AGBL1: variants seen among roughly 807,000 people sequenced by gnomAD.
The protein encoded by AGBL1 is cytosolic carboxypeptidase 4.
Under a neutral mutation model 118.9 loss-of-function variants are expected in AGBL1, and 130 were observed. That is an observed-to-expected ratio of 1.09 (90% CI 0.95 to 1.26). The LOEUF (loss-of-function observed/expected upper bound fraction) is 1.26, where lower values mean the gene tolerates loss of function less well. Among genes scored for constraint, AGBL1 ranks in the 50% most tolerant of loss-of-function variants. AGBL1 has a pLI of 0.00. For synonymous variants in AGBL1, 555 were observed against 478.9 expected, an observed-to-expected ratio of 1.16 and a Z score of -2.08; for missense variants, 1,584 against 1,298.1, an observed-to-expected ratio of 1.22 and a Z score of -3.38.
intron 21 of AGBL1, among the ~76,000 whole-genome samples, chr15:86,592,125 A>T (rs1212324364): frequency 6.6e-6 from 1 of 152,198 alleles, no homozygotes. Flanking sequence ...TCACTTGGTT[A>T]AAGTGTTGTC....
At chr15:86,267,630 G>A (rs2079095635) in intron 13 of AGBL1, among the ~76,000 whole-genome samples, 1 of 152,170 alleles carries the variant, frequency 6.6e-6, no homozygotes, top group East Asian at 1.9e-4. Flanking sequence ...GCTCTCAGTA[G>A]AAAAGGATAT....
intron 18 of AGBL1, among the ~76,000 whole-genome samples, chr15:86,444,078 A>G (rs2082094629): frequency 1.3e-5 from 2 of 152,226 alleles, no homozygotes; most frequent in Admixed American, 6.5e-5. Flanking sequence ...CCAACAGTGT[A>G]CCAGCATTCC....
chr15:86,450,404 C>T (rs6496338), intron 18 of AGBL1, among the ~76,000 whole-genome samples: 82,034 of 152,064 alleles, frequency 0.54, 23,001 homozygotes, highest in East Asian at 0.82. Context: ...GTACAGTCAG[C>T]GGTAAAATCA....
intron 22 of AGBL1, among the ~76,000 whole-genome samples, chr15:86,832,609 G>T (rs1209203477): frequency 6.6e-6 from 1 of 152,182 alleles, no homozygotes; most frequent in Non-Finnish European, 1.5e-5. Flanking sequence ...TTTTGCTTCA[G>T]TTTCCAAAAA....
At chr15:86,244,832 A>G (rs976530207) in intron 6 of AGBL1, among the ~76,000 whole-genome samples, 1 of 152,178 alleles carries the variant, frequency 6.6e-6, no homozygotes, top group African/African-American at 2.4e-5. Flanking sequence ...CTGTCCTTTA[A>G]TACCTCCCAC....
chr15:86,828,865 A>T (rs1395289872), intron 22 of AGBL1, among the ~76,000 whole-genome samples: 1 of 150,540 alleles, frequency 6.6e-6, no homozygotes, highest in Non-Finnish European at 1.5e-5. Context: ...ATAAAGTTTA[A>T]AATTACATAT....
intron 21 of AGBL1, among the ~76,000 whole-genome samples, chr15:86,571,788 C>T (rs1411111708): frequency 1.3e-5 from 2 of 152,198 alleles, no homozygotes; most frequent in East Asian, 3.9e-4. Context: ...ACAAGCTCCC[C>T]CTCTGGTCTG....
At chr15:86,124,346 AAC>A (rs1453391223) in intron 1 of AGBL1, among the ~76,000 whole-genome samples, 20 of 149,724 alleles carry the variant, frequency 1.3e-4, no homozygotes, top group African/African-American at 4.2e-4. Flanking sequence ...AAAAAAAAAA[AAC>A]AAAGAAAACC....
chr15:86,194,290 G>C (rs1314368711), intron 5 of AGBL1, among the ~76,000 whole-genome samples: 1 of 152,068 alleles, frequency 6.6e-6, no homozygotes. Flanking sequence ...AGTGTTTTGC[G>C]TGATCCTACT....
chr15:86,927,721 A>G (rs2080560238), intron 23 of AGBL1, among the ~76,000 whole-genome samples: 1 of 152,206 alleles, frequency 6.6e-6, no homozygotes, highest in African/African-American at 2.4e-5. Context: ...TTATTGAAAA[A>G]AAATTACCAT....
intron 21 of AGBL1, among the ~76,000 whole-genome samples, chr15:86,655,858 A>G (rs1366910347): frequency 6.6e-6 from 1 of 152,212 alleles, no homozygotes; most frequent in Non-Finnish European, 1.5e-5. Flanking sequence ...GCTTCGTAGT[A>G]GTTTTGCTGC....
intron 1 of AGBL1, among the ~76,000 whole-genome samples, chr15:86,094,058 A>C (rs1329540022): frequency 6.7e-6 from 1 of 149,766 alleles, no homozygotes; most frequent in East Asian, 1.9e-4. Context: ...ATACTCTTTA[A>C]AATAATATCA....
At chr15:86,376,987 G>A (rs186296732) in intron 17 of AGBL1, among the ~76,000 whole-genome samples, 4 of 152,318 alleles carry the variant, frequency 2.6e-5, no homozygotes, top group Non-Finnish European at 4.4e-5. Flanking sequence ...ACTCTACCAA[G>A]CTAGACCATA....
chr15:86,203,730 C>T (rs1482569576), intron 5 of AGBL1, among the ~76,000 whole-genome samples: 1 of 152,124 alleles, frequency 6.6e-6, no homozygotes, highest in Admixed American at 6.6e-5. Flanking sequence ...TTCCCCTTGC[C>T]ATTACCTCCA....
chr15:86,949,237 T>C (rs1474663093), intron 23 of AGBL1, among the ~76,000 whole-genome samples: 1 of 152,220 alleles, frequency 6.6e-6, no homozygotes, highest in African/African-American at 2.4e-5. Flanking sequence ...AGACCCATGT[T>C]CCTATTAGGA....
rs144436698 is a variant in AGBL1 at position 86,086,725 on chromosome 15, A to C, written c.51+6702A>C. Among the ~76,000 whole-genome samples, 127 of 152,332 alleles carry C rather than the reference A, an allele frequency of 8.3e-4. 1 individual carries two copies. The highest frequency in any genetic ancestry group is 2.7e-3 in the African/African-American group (114 of 41,592). On this transcript the variant is annotated intron_variant, in intron 1 of 22. Coordinates refer to ENST00000614907, the MANE Select transcript of AGBL1 (RefSeq NM_001386094.1). ...ATGGAGGAATCGCACAAAGTTAAGC[A>C]AATAAGTTGCTTAAATTTGTGCATA... is the stretch of plus-strand genomic sequence containing the variant.
intron 24 of AGBL1, among the ~76,000 whole-genome samples, chr15:87,010,203 C>A (rs961696648): frequency 4.6e-5 from 7 of 152,088 alleles, no homozygotes; most frequent in African/African-American, 1.7e-4. Flanking sequence ...AGGTATTTAC[C>A]ATGCTGGTCT....
intron 22 of AGBL1, among the ~76,000 whole-genome samples, chr15:86,874,712 C>A (rs1443333890): frequency 6.6e-6 from 1 of 152,154 alleles, no homozygotes; most frequent in Non-Finnish European, 1.5e-5. Flanking sequence ...ACCTTTAGAA[C>A]AGAATTTCTC....
In AGBL1 at chr15:86,897,175, C is replaced by T. The variant is rs143703775; in HGVS notation, c.3159-9912C>T. Among the ~76,000 whole-genome samples the T allele has an allele frequency of 3.8e-4, 58 of 152,276 alleles. No homozygotes were observed. The East Asian group carries it at 0.011, about 29-fold the overall frequency. On this transcript the variant is annotated intron_variant, in intron 22 of 22. Transcript: ENST00000614907. Reference sequence around the variant, plus strand: ...GAAGACTTATTTTTCTACTTACATGCTTATATACTTTTTTCCTTTATCTTT... The same window carrying T: ...GAAGACTTATTTTTCTACTTACATGTTTATATACTTTTTTCCTTTATCTTT...
Sources: gnomAD v4.1 joint callset for allele counts (sites outside exome capture counted in the v4.1 genomes callset) on GRCh38, gnomAD v4.1.1 for gene constraint, MANE v1.5 for transcripts, NCBI Gene and HGNC (gene_info 2026-07-23, HGNC 2026-07-21) for gene names.